The following ITGA2 variants were observed in gnomAD, a reference collection of about 807,000 sequenced individuals.
ITGA2 encodes integrin subunit alpha 2, also known as integrin alpha-2.
A neutral mutation model predicts 146.3 loss-of-function variants in ITGA2; 101 were observed. That is an observed-to-expected ratio of 0.69 (90% CI 0.59 to 0.81). ITGA2 has a LOEUF of 0.81. ITGA2 is among the 40% of genes least tolerant of loss of function. The probability of loss-of-function intolerance (pLI) is 0.00; values close to 1 mark genes in which losing one functional copy is unlikely to be tolerated. For missense variants in ITGA2, 1,281 were observed against 1,402.7 expected (o/e 0.91, Z 1.39); for synonymous variants, 477 against 487.1 (o/e 0.98, Z 0.27).
At chr5:53,060,751 A>C in intron 11 of ITGA2, 150 bp from the exon 12 acceptor site, 2 of 744,504 alleles carry the variant, frequency 2.7e-6, no homozygotes, top group Non-Finnish European at 4.8e-6. Flanking sequence ...AGAAAAAGGA[A>C]GACATGTCCT....
intron 1 of ITGA2, among the ~76,000 whole-genome samples, chr5:52,999,021 C>T (rs1224630744): frequency 6.6e-6 from 1 of 152,094 alleles, no homozygotes; most frequent in East Asian, 1.9e-4. Flanking sequence ...AAATGTTTTT[C>T]CTTTTTCATA....
intron 2 of ITGA2, among the ~76,000 whole-genome samples, chr5:53,038,222 A>C (rs886885388): frequency 3.3e-5 from 5 of 149,348 alleles, no homozygotes; most frequent in East Asian, 2.0e-4. Flanking sequence ...AAAAAAAAAA[A>C]CAGTTAAATT....
intron 1 of ITGA2, among the ~76,000 whole-genome samples, chr5:53,017,932 G>A (rs1224767981): frequency 6.6e-6 from 1 of 152,112 alleles, no homozygotes; most frequent in African/African-American, 2.4e-5. Flanking sequence ...GTGGCTGGGG[G>A]AGGCTGCAGG....
chr5:53,074,994 T>G, intron 21 of ITGA2, 67 bp from the exon 22 acceptor site: 2 of 1,041,874 alleles, frequency 1.9e-6, no homozygotes, highest in Non-Finnish European at 3.0e-6. Flanking sequence ...TGAGAAACAT[T>G]TTTTTTTTCA....
intron 1 of ITGA2, 109 bp downstream of exon 1, chr5:52,989,641 C>T (rs1740820158): frequency 1.6e-6 from 2 of 1,220,900 alleles, no homozygotes; most frequent in African/African-American, 3.0e-5. Flanking sequence ...TGTGTTCCCT[C>T]GGATTCCACG....
chr5:53,038,108 G>C (rs914001612), intron 2 of ITGA2, among the ~76,000 whole-genome samples: 2 of 151,940 alleles, frequency 1.3e-5, no homozygotes, highest in African/African-American at 4.8e-5. Context: ...AGGTGACAGG[G>C]AGAGTGTCCA....
chr5:53,045,717 T>G (rs1744048013), intron 4 of ITGA2, among the ~76,000 whole-genome samples: 1 of 151,954 alleles, frequency 6.6e-6, no homozygotes, highest in Non-Finnish European at 1.5e-5. Flanking sequence ...GATGGAAAAA[T>G]TTCTGAGTTT....
At position 53,089,596 on chromosome 5, in the gene ITGA2, T is replaced by C. The variant is rs181378423; in HGVS notation, c.3349-350T>C. ...TTCGACTCCCTTCCCCAAAGCTGTTTGCTTTCACTTGATGATGCTTTCACT... is the reference window on the plus strand; with the variant it reads ...TTCGACTCCCTTCCCCAAAGCTGTTCGCTTTCACTTGATGATGCTTTCACT... On this transcript the variant is annotated intron_variant, in intron 28 of 29. Transcript: ENST00000296585. 5.7e-5 allele frequency: 13 copies of C among 227,196 alleles called. No homozygotes were observed. In the Admixed American group the frequency reaches 6.8e-4, roughly 12 times the overall value. 14.1% of individuals were successfully genotyped at this position (227,196 alleles called of 1,614,324 possible). A position where few individuals can be genotyped will look rare whatever the true frequency, so the allele number is the denominator to read the frequency against.
At chr5:53,036,400 A>G (rs559549634) in intron 2 of ITGA2, among the ~76,000 whole-genome samples, 5 of 152,284 alleles carry the variant, frequency 3.3e-5, no homozygotes, top group South Asian at 4.1e-4. Context: ...ACAAGTCACT[A>G]CATGATCTAT....
At chr5:53,042,994 A>G (rs1743877702) in intron 3 of ITGA2, among the ~76,000 whole-genome samples, 2 of 152,176 alleles carry the variant, frequency 1.3e-5, no homozygotes, top group Non-Finnish European at 2.9e-5. Flanking sequence ...TTTCTTGCAT[A>G]TCTCTGTAGA....
chr5:53,080,401 C>CTCA, intron 24 of ITGA2, 110 bp from the exon 25 acceptor site: 1 of 822,740 alleles, frequency 1.2e-6, no homozygotes, highest in East Asian at 2.5e-5. Context: ...TTCATTTGGA[C>CTCA]TCAGTCTTAC....
chr5:53,060,759 C>T, intron 11 of ITGA2, 142 bp from the exon 12 acceptor site: 1 of 786,384 alleles, frequency 1.3e-6, no homozygotes, highest in African/African-American at 1.7e-5. Context: ...GAAGACATGT[C>T]CTCAGTGATG....
intron 23 of ITGA2, among the ~76,000 whole-genome samples, chr5:53,075,928 TA>T (rs1204611152): frequency 6.6e-6 from 1 of 152,094 alleles, no homozygotes; most frequent in Non-Finnish European, 1.5e-5. Flanking sequence ...TCCCTGTTTT[TA>T]CCTGCCCAAA....
At chr5:53,062,538 T>A (rs1355120665) in intron 12 of ITGA2, among the ~76,000 whole-genome samples, 1 of 151,868 alleles carries the variant, frequency 6.6e-6, no homozygotes, top group African/African-American at 2.4e-5. Context: ...TAGAAATGGG[T>A]CTCAGGGATC....
chr5:53,056,239 G>A, intron 9 of ITGA2, 90 bp downstream of exon 9: 1 of 1,099,760 alleles, frequency 9.1e-7, no homozygotes, highest in Non-Finnish European at 1.3e-6. Context: ...ATGTTAACTT[G>A]TATACCATGT....
chr5:53,046,897 T>A (rs1561119832), intron 4 of ITGA2, among the ~76,000 whole-genome samples: 1 of 152,142 alleles, frequency 6.6e-6, no homozygotes, highest in Non-Finnish European at 1.5e-5. Flanking sequence ...AACTTCTTAA[T>A]GCTGTTTTCC....
At chr5:53,064,879 G>A in intron 13 of ITGA2, 33 bp from the exon 14 acceptor site, 1 of 1,593,716 alleles carries the variant, frequency 6.3e-7, no homozygotes, top group African/African-American at 1.3e-5. Context: ...TGTAAGGTTT[G>A]CTTTAATCAT....
chr5:53,081,486 C>T, intron 25 of ITGA2, 106 bp from the exon 26 acceptor site: 1 of 836,808 alleles, frequency 1.2e-6, no homozygotes, highest in Non-Finnish European at 2.0e-6. Context: ...AGCCTAACAG[C>T]CCTTCCCAGA....
intron 1 of ITGA2, among the ~76,000 whole-genome samples, chr5:53,004,881 G>A (rs1741750019): frequency 1.8e-5 from 2 of 108,156 alleles, no homozygotes; most frequent in East Asian, 3.4e-4. Context: ...CAACTTCTAA[G>A]TTTAGTTGCT....
Sources: allele counts gnomAD v4.1 joint callset (sites outside exome capture counted in the v4.1 genomes callset), GRCh38; gene constraint gnomAD v4.1.1; transcripts MANE v1.5; gene names NCBI Gene and HGNC (gene_info 2026-07-23, HGNC 2026-07-21).